GALM: variants seen among roughly 807,000 people sequenced by gnomAD.
The protein encoded by GALM is aldose 1-epimerase.
GALM carries 43 observed loss-of-function variants against 37.4 expected under a neutral mutation model. That is an observed-to-expected ratio of 1.15 (90% confidence interval 0.90 to 1.48). The LOEUF (loss-of-function observed/expected upper bound fraction) is 1.48, where lower values mean the gene tolerates loss of function less well. GALM is among the 40% of genes most tolerant of loss of function. The pLI is 0.00. For missense variants in GALM, 456 were observed against 419.1 expected (o/e 1.09, Z -0.77); for synonymous variants, 199 against 170.6 (o/e 1.17, Z -1.30).
At chr2:38,683,120 G>A (rs913509775) in intron 3 of GALM, among the ~76,000 whole-genome samples, 3 of 152,098 alleles carry the variant, frequency 2.0e-5, no homozygotes, top group Non-Finnish European at 2.9e-5. Context: ...AGATCTAAAG[G>A]AATAGATTAG....
In GALM at chr2:38,733,532, C is replaced by T. The variant is rs775238163; in HGVS notation, c.996C>T (p.Asp332=). 1.2e-6 allele frequency: 2 copies of T among 1,614,012 alleles called. No individual in the cohort carries two copies. The highest frequency in any genetic ancestry group is 1.7e-6 in the Non-Finnish European group (2 of 1,179,908). ...PVLLRPGEEY[D]HTTWFKFSVA is the part of the protein sequence containing the mutation. ...TGCTGAGGCCTGGTGAGGAGTATGA[C>T]CACACCACCTGGTTCAAGTTTTCTG... is the stretch of plus-strand genomic sequence containing the variant. Residue 332 remains aspartate, a synonymous_variant, in exon 7 of 7, where the codon GAC becomes GAT. Transcript: ENST00000272252.
chr2:38,668,596 G>A (rs1046674355), intron 1 of GALM: 6 of 152,074 alleles, frequency 3.9e-5, no homozygotes, highest in African/African-American at 1.4e-4. Flanking sequence ...AACCATCAGA[G>A]TATGTAAGTA....
chr2:38,694,046 T>A (rs1231788865), intron 4 of GALM, among the ~76,000 whole-genome samples: 2 of 151,908 alleles, frequency 1.3e-5, no homozygotes, highest in African/African-American at 4.8e-5. Context: ...GCCAGGAGTG[T>A]TGGTGCATGC....
At chr2:38,686,440 T>C (rs1665538790) in intron 3 of GALM, among the ~76,000 whole-genome samples, 1 of 151,780 alleles carries the variant, frequency 6.6e-6, no homozygotes, top group Non-Finnish European at 1.5e-5. Flanking sequence ...TACTTTTTTG[T>C]ATTTTTAGTA....
chr2:38,680,890 C>T (rs1665377254), intron 2 of GALM, among the ~76,000 whole-genome samples: 1 of 151,990 alleles, frequency 6.6e-6, no homozygotes, highest in African/African-American at 2.4e-5. Flanking sequence ...AATCTCAGCA[C>T]CTTGGGAGGC....
chr2:38,724,032 C>T (rs1666435589), intron 4 of GALM, among the ~76,000 whole-genome samples: 1 of 151,912 alleles, frequency 6.6e-6, no homozygotes, highest in Non-Finnish European at 1.5e-5. Context: ...AATTCTTCTG[C>T]CTCAGCCTCC....
intron 1 of GALM, among the ~76,000 whole-genome samples, chr2:38,672,042 C>A (rs949910687): frequency 1.8e-4 from 27 of 150,788 alleles, no homozygotes; most frequent in African/African-American, 4.6e-4. Flanking sequence ...AAAAAAAAAA[C>A]AACAAAAAAA....
chr2:38,678,017 C>CTTT (rs372206191), intron 2 of GALM, among the ~76,000 whole-genome samples: 26 of 138,316 alleles, frequency 1.9e-4, no homozygotes, highest in East Asian at 4.2e-4. Context: ...ACTTTGAACT[C>CTTT]TTTTTTTTTT....
chr2:38,691,159 T>C (rs1665664020), intron 4 of GALM, among the ~76,000 whole-genome samples: 2 of 152,202 alleles, frequency 1.3e-5, no homozygotes, highest in Admixed American at 6.5e-5. Flanking sequence ...AGGAAGAAAG[T>C]GAATCAATTA....
chr2:38,685,411 G>C (rs1665495619), intron 3 of GALM, among the ~76,000 whole-genome samples: 1 of 152,216 alleles, frequency 6.6e-6, no homozygotes, highest in East Asian at 1.9e-4. Context: ...CCTGCTAGAG[G>C]TGATGAGAGC....
Position 38,681,305 on chromosome 2 carries a change from C to G in GALM, c.371C>G (p.Ser124Ter). ...GTGCTCTGGACCCCTCGGGTGCTGT[C>G]AAATGGCGTCCAGTTCTCGCGCATC... ...DKVLWTPRVL[S>*]NGVQFSRISP... The change falls in exon 3 of 7, where the codon TCA (serine) becomes TGA (stop). Residue 124 changes from serine (S) to a stop codon, truncating the protein, a stop_gained. Transcript: ENST00000272252. LOFTEE classifies it high-confidence loss of function. 1 of 1,613,578 alleles carries G rather than the reference C, an allele frequency of 6.2e-7. No homozygotes were observed. The highest frequency in any genetic ancestry group is 8.5e-7 in the Non-Finnish European group (1 of 1,180,012).
Position 38,681,438 on chromosome 2 carries a change from C to G in GALM, c.504C>G (p.Ala168=), listed in dbSNP as rs1665395113. The G allele has an allele frequency of 6.2e-7, 1 of 1,614,184 alleles. No homozygotes were observed. The highest frequency in any genetic ancestry group is 1.7e-5 in the Admixed American group (1 of 60,010). ...ACTACAGAGCACAAGCCAGTCAGGCCACACCAGTCAACCTGACCAACCATT... is the reference window on the plus strand; with the variant it reads ...ACTACAGAGCACAAGCCAGTCAGGCGACACCAGTCAACCTGACCAACCATT... ...IVNYRAQASQ[A]TPVNLTNHSY... Residue 168 remains alanine, a synonymous_variant, in exon 3 of 7, where the codon GCC becomes GCG. Coordinates refer to ENST00000272252, the MANE Select transcript of GALM (RefSeq NM_138801.3).
chr2:38,721,688 T>C (rs1303027310), intron 4 of GALM, among the ~76,000 whole-genome samples: 4 of 152,040 alleles, frequency 2.6e-5, no homozygotes, highest in African/African-American at 4.8e-5. Flanking sequence ...GCTAATTTTT[T>C]AATTTTTTGT....
rs966673916 is a variant in GALM, at chr2:38,666,420, G to A, written c.190+69G>A. 11 of 1,252,594 alleles carry A rather than the reference G, an allele frequency of 8.8e-6. No individual in the cohort carries two copies. In the African/African-American group the frequency reaches 1.5e-4, roughly 17 times the overall value. The allele number at this position is 1,252,594 out of a possible 1,614,324, so 77.6% of individuals were successfully genotyped here. ...ACGCTACATACCTCCCGGATCTAGCGGGCCACTTGCAATGCGAGGGACCAA... is the reference window on the plus strand; with the variant it reads ...ACGCTACATACCTCCCGGATCTAGCAGGCCACTTGCAATGCGAGGGACCAA... On this transcript the variant is annotated intron_variant, in intron 1 of 6. Coordinates refer to ENST00000272252, the MANE Select transcript of GALM (RefSeq NM_138801.3).
intron 4 of GALM, among the ~76,000 whole-genome samples, chr2:38,708,731 GAAAAAAA>G (rs35151264): frequency 1.5e-3 from 137 of 91,524 alleles, no homozygotes; most frequent in Non-Finnish European, 3.0e-3. Flanking sequence ...TCTGTCTCAA[GAAAAAAA>G]AAAAAAAAAA....
At chr2:38,702,932 T>TATATATATATATATATATATATATATA (rs1553382842) in intron 4 of GALM, among the ~76,000 whole-genome samples, 1 of 134,888 alleles carries the variant, frequency 7.4e-6, no homozygotes, top group African/African-American at 2.8e-5. Flanking sequence ...TATATACTTT[T>TATATATATATATATATATATATATATA]TATATATATA....
chr2:38,692,949 T>G (rs984446423), intron 4 of GALM, among the ~76,000 whole-genome samples: 2 of 152,044 alleles, frequency 1.3e-5, no homozygotes, highest in Admixed American at 1.3e-4. Context: ...GGGGCATAAT[T>G]TTAGTGGCAG....
chr2:38,686,704 T>G (rs1665547492), intron 3 of GALM, among the ~76,000 whole-genome samples: 1 of 152,144 alleles, frequency 6.6e-6, no homozygotes, highest in Admixed American at 6.5e-5. Flanking sequence ...CAAAGGAATA[T>G]AACATGGATG....
intron 2 of GALM, chr2:38,680,091 T>C (rs545372609): frequency 1.1e-5 from 5 of 453,326 alleles, no homozygotes; most frequent in Admixed American, 7.1e-5. Flanking sequence ...CGATCTCGGC[T>C]CACTGCAGCC....
Sources: gnomAD v4.1 joint callset for allele counts (sites outside exome capture counted in the v4.1 genomes callset) on GRCh38, gnomAD v4.1.1 for gene constraint, MANE v1.5 for transcripts, NCBI Gene and HGNC (gene_info 2026-07-23, HGNC 2026-07-21) for gene names.